NAV3: variants seen among roughly 807,000 people sequenced by gnomAD.
NAV3 encodes neuron navigator 3.
NAV3 carries 87 observed loss-of-function variants against 244.7 expected under a neutral mutation model. The observed-to-expected ratio is 0.36, with a 90% CI of 0.30 to 0.42. NAV3 has a LOEUF of 0.42. Among genes scored for constraint, NAV3 ranks in the 20% least tolerant of loss-of-function variants. The probability of loss-of-function intolerance (pLI) is 1.00; values close to 1 mark genes in which losing one functional copy is unlikely to be tolerated. For missense variants in NAV3, 2,663 were observed against 2,893.3 expected, an observed-to-expected ratio of 0.92 and a Z score of 1.83; for synonymous variants, 1,126 against 1,042.2, an observed-to-expected ratio of 1.08 and a Z score of -1.55.
At chr12:77,662,284 CT>C (rs1378880749) in intron 2 of NAV3, among the ~76,000 whole-genome samples, 1 of 150,798 alleles carries the variant, frequency 6.6e-6, no homozygotes, top group East Asian at 2.0e-4. Context: ...TATTTTAGAT[CT>C]TTACTTTCTC....
At chr12:77,759,783 G>A (rs567135631) in intron 2 of NAV3, among the ~76,000 whole-genome samples, 1 of 152,118 alleles carries the variant, frequency 6.6e-6, no homozygotes, top group South Asian at 2.1e-4. Flanking sequence ...AACATTTCTG[G>A]ATCATATTCC....
At chr12:77,913,457 C>G (rs1378502459) in intron 1 of NAV3, among the ~76,000 whole-genome samples, 1 of 151,990 alleles carries the variant, frequency 6.6e-6, no homozygotes, top group Non-Finnish European at 1.5e-5. Context: ...TTATTTGACA[C>G]AGTCTCACTC....
chr12:77,722,101 A>G (rs1027074665), intron 2 of NAV3, among the ~76,000 whole-genome samples: 5 of 152,076 alleles, frequency 3.3e-5, no homozygotes, highest in Non-Finnish European at 7.4e-5. Context: ...AAACTGAAAA[A>G]AGCAACGAAG....
chr12:77,956,005 T>C (rs1301027077), intron 3 of NAV3, among the ~76,000 whole-genome samples: 1 of 152,192 alleles, frequency 6.6e-6, no homozygotes, highest in Non-Finnish European at 1.5e-5. Flanking sequence ...TATATACTTT[T>C]TAGGGCTTGG....
intron 2 of NAV3, among the ~76,000 whole-genome samples, chr12:77,720,155 T>TTC (rs71088328): frequency 0.017 from 2,515 of 151,210 alleles, 31 homozygotes; most frequent in Middle Eastern, 0.058. Context: ...TTACTTGAGT[T>TTC]TCTCTCTCTC....
intron 1 of NAV3, among the ~76,000 whole-genome samples, chr12:77,861,415 C>G (rs145109260): frequency 3.2e-4 from 48 of 151,872 alleles, no homozygotes; most frequent in African/African-American, 1.0e-3. Flanking sequence ...TGGTCAAATG[C>G]TAAGAAATCT....
At chr12:78,210,309 C>T in intron 39 of NAV3, 89 bp from the exon 40 acceptor site, 3 of 1,566,648 alleles carry the variant, frequency 1.9e-6, no homozygotes. Context: ...GATAAGATAG[C>T]TCTTCGGTGT....
At chr12:78,114,223 C>T (rs1468655872) in intron 12 of NAV3, among the ~76,000 whole-genome samples, 1 of 152,180 alleles carries the variant, frequency 6.6e-6, no homozygotes. Context: ...TTCAAACTTT[C>T]CCACATCTTC....
chr12:78,079,579 G>A (rs900215994), intron 12 of NAV3, among the ~76,000 whole-genome samples: 1 of 151,978 alleles, frequency 6.6e-6, no homozygotes, highest in Admixed American at 6.6e-5. Flanking sequence ...TACAGTGTCA[G>A]TCACAATCCT....
At chr12:78,082,045 C>T (rs1232170186) in intron 12 of NAV3, among the ~76,000 whole-genome samples, 1 of 152,138 alleles carries the variant, frequency 6.6e-6, no homozygotes, top group Non-Finnish European at 1.5e-5. Flanking sequence ...GGGGACAGGG[C>T]TTTCCCATGC....
At chr12:77,957,900 A>T (rs146399459) in intron 3 of NAV3, among the ~76,000 whole-genome samples, 2,125 of 152,228 alleles carry the variant, frequency 0.014, 29 homozygotes, top group Non-Finnish European at 0.023. Flanking sequence ...TCCTTACCTC[A>T]GGTTGTCTGC....
At chr12:77,718,267 C>G (rs1876453207) in intron 2 of NAV3, among the ~76,000 whole-genome samples, 1 of 152,122 alleles carries the variant, frequency 6.6e-6, no homozygotes, top group Non-Finnish European at 1.5e-5. Flanking sequence ...TACAATAAGG[C>G]TCAAATTTTA....
At chr12:77,862,739 A>C (rs1172851141) in intron 1 of NAV3, among the ~76,000 whole-genome samples, 1 of 151,808 alleles carries the variant, frequency 6.6e-6, no homozygotes, top group Admixed American at 6.6e-5. Flanking sequence ...CGGTGGTGAT[A>C]TGTGACCTTC....
chr12:77,761,853 G>A (rs1869483772), intron 2 of NAV3, among the ~76,000 whole-genome samples: 2 of 152,222 alleles, frequency 1.3e-5, no homozygotes, highest in African/African-American at 2.4e-5. Context: ...TTTAACCATT[G>A]TGAAAGACAG....
In NAV3 at chr12:77,917,561, A is replaced by G. The variant is rs116295339; in HGVS notation, c.244-22758A>G. On this transcript the variant is annotated intron_variant, in intron 1 of 39. Transcript: ENST00000397909. ...TGCATGTGTAACGGTCCTATTTTCT[A>G]CTATTGTCTTACTTGAAGTGCCTGG... 7.6e-3 allele frequency among the ~76,000 whole-genome samples: 1,155 copies of G among 152,022 alleles called. 16 individuals carry two copies. The highest frequency in any genetic ancestry group is 0.027 in the African/African-American group (1,105 of 41,488).
At chr12:78,103,270 T>C (rs975107541) in intron 12 of NAV3, among the ~76,000 whole-genome samples, 2 of 152,166 alleles carry the variant, frequency 1.3e-5, no homozygotes, top group Non-Finnish European at 2.9e-5. Flanking sequence ...AGGGGCAAAA[T>C]GCCACCAGTC....
chr12:78,187,737 TA>T (rs1028900566), intron 31 of NAV3, among the ~76,000 whole-genome samples: 18 of 151,914 alleles, frequency 1.2e-4, no homozygotes, highest in Non-Finnish European at 2.5e-4. Flanking sequence ...TAACACATTT[TA>T]AAGCGAGATT....
chr12:77,590,271 C>T (rs557380674), intron 2 of NAV3, among the ~76,000 whole-genome samples: 33 of 152,268 alleles, frequency 2.2e-4, no homozygotes, highest in African/African-American at 6.5e-4. Flanking sequence ...CAATGATGGA[C>T]TAAGCTCCTG....
intron 33 of NAV3, among the ~76,000 whole-genome samples, chr12:78,189,559 C>T (rs1232857071): frequency 7.2e-6 from 1 of 138,248 alleles, no homozygotes; most frequent in Non-Finnish European, 1.7e-5. Context: ...CACACACACA[C>T]CCATATATAT....
Sources: allele counts gnomAD v4.1 joint callset (sites outside exome capture counted in the v4.1 genomes callset), GRCh38; gene constraint gnomAD v4.1.1; transcripts MANE v1.5; gene names NCBI Gene and HGNC (gene_info 2026-07-23, HGNC 2026-07-21).